Variants in TARS3 observed in about 807,000 individuals in gnomAD.
TARS3 encodes threonyl-tRNA synthetase 3, also known as threonine--tRNA ligase 2, cytoplasmic.
Under a neutral mutation model 103.5 loss-of-function variants are expected in TARS3, and 94 were observed. The ratio of observed to expected loss-of-function variants is 0.91; its 90% CI spans 0.77 to 1.08. TARS3 has a LOEUF of 1.08. TARS3 is among the 50% of genes least tolerant of loss of function. The pLI is 0.00. For synonymous variants in TARS3, 416 were observed against 355.4 expected (o/e 1.17, Z -1.92); for missense variants, 952 against 995.2 (o/e 0.96, Z 0.58).
chr15:101,724,443 C>A lies in TARS3; in HGVS notation c.-56G>T. On this transcript the variant is annotated 5_prime_UTR_variant, in exon 1 of 19. Coordinates refer to ENST00000335968, the MANE Select transcript of TARS3 (RefSeq NM_152334.3). ...GGGGTGCCCGCGACTGCGGCGAGGG[C>A]GACGCGGACACTCAGCGCACGGCAG... The A allele has an allele frequency of 2.2e-6, 3 of 1,352,454 alleles. No homozygotes were observed. Among genetic ancestry groups the A allele is most frequent in the Non-Finnish European group, 2.8e-6 (3 of 1,059,472 alleles). The allele number at this position is 1,352,454 out of a possible 1,614,324, so 83.8% of individuals were successfully genotyped here.
Position 101,662,314 on chromosome 15 carries a change from A to G in TARS3, c.1968-498T>C, listed in dbSNP as rs1197639856. Among the ~76,000 whole-genome samples the G allele has an allele frequency of 2.6e-5, 4 of 152,248 alleles. No individual in the cohort carries two copies. In the South Asian group the frequency reaches 8.3e-4, roughly 31 times the overall value. On this transcript the variant is annotated intron_variant, in intron 15 of 18. Coordinates refer to ENST00000335968, the MANE Select transcript of TARS3 (RefSeq NM_152334.3). ...GCAAATGATGACTTAATTGTAATGA[A>G]GTAAGCCACTTCAAGATCTCTGCAC...
Position 101,723,052 on chromosome 15 carries a change from TAC to T in TARS3, c.369+39_369+40del, listed in dbSNP as rs1469567708. ...TTAACTATATACACATATTTAAAAT[TAC>T]AGGTAGTATTTTATATTGTTTCCAC... On this transcript the variant is annotated intron_variant, in intron 2 of 18. Coordinates refer to ENST00000335968, the MANE Select transcript of TARS3 (RefSeq NM_152334.3). 4 of 1,536,322 alleles carry T rather than the reference TAC, an allele frequency of 2.6e-6. No homozygotes were observed. The South Asian group carries it at 4.5e-5, about 17-fold the overall frequency.
rs573427208 is a variant in TARS3 at position 101,657,693 on chromosome 15, C to T, written c.2145+92G>A. The T allele has an allele frequency of 1.5e-5, 12 of 805,188 alleles. No individual in the cohort carries two copies. The South Asian group carries it at 2.0e-4, about 14-fold the overall frequency. 49.9% of individuals were successfully genotyped at this position (805,188 alleles called of 1,614,324 possible). On this transcript the variant is annotated intron_variant, in intron 17 of 18. Coordinates refer to ENST00000335968, the MANE Select transcript of TARS3 (RefSeq NM_152334.3). Reference sequence around the variant, plus strand: ...GGTTTAAGCTAATGTGTCAGTTCTGCAATATTTTAAAGCATGAAGGACACT... The same window carrying T: ...GGTTTAAGCTAATGTGTCAGTTCTGTAATATTTTAAAGCATGAAGGACACT...
At chr15:101,660,766 C>A (rs1020910294) in intron 16 of TARS3, among the ~76,000 whole-genome samples, 1 of 152,194 alleles carries the variant, frequency 6.6e-6, no homozygotes, top group Non-Finnish European at 1.5e-5. Context: ...AAGTCCATGT[C>A]TTTGAGCCCA....
chr15:101,659,538 C>A (rs144851591), intron 16 of TARS3, among the ~76,000 whole-genome samples: 19 of 152,288 alleles, frequency 1.2e-4, no homozygotes, highest in Non-Finnish European at 2.6e-4. Context: ...AGGGAGTATA[C>A]TTCCGTCTCT....
At chr15:101,711,059 G>T (rs76748706) in intron 5 of TARS3, among the ~76,000 whole-genome samples, 5,418 of 152,248 alleles carry the variant, frequency 0.036, 133 homozygotes, top group Non-Finnish European at 0.054. Context: ...ACACATCCCT[G>T]TCCGGCACTC....
chr15:101,715,179 C>T (rs1394959566), intron 3 of TARS3, among the ~76,000 whole-genome samples: 1 of 148,336 alleles, frequency 6.7e-6, no homozygotes, highest in Non-Finnish European at 1.5e-5. Context: ...CGGAGTCTCG[C>T]TCTGTCGCCC....
chr15:101,700,137 T>TA (rs1899187996), intron 10 of TARS3, among the ~76,000 whole-genome samples: 1 of 152,010 alleles, frequency 6.6e-6, no homozygotes, highest in Admixed American at 6.6e-5. Context: ...GGTAGGCACA[T>TA]AAAAAAACTA....
At chr15:101,705,143 G>A (rs1160229298) in intron 7 of TARS3, among the ~76,000 whole-genome samples, 2 of 152,218 alleles carry the variant, frequency 1.3e-5, no homozygotes, top group African/African-American at 4.8e-5. Flanking sequence ...GAGGTTAAAT[G>A]AACAGAGCTA....
chr15:101,684,383 T>C lies in TARS3; in HGVS notation c.1488-146A>G, dbSNP rs563928255. On this transcript the variant is annotated intron_variant, in intron 11 of 18. Coordinates refer to ENST00000335968, the MANE Select transcript of TARS3 (RefSeq NM_152334.3). Reference sequence around the variant, plus strand: ...ATCACCAGGTTAAAAAAAAAATTCTTCCACAAATTAGTGAACCTTGCATTT... The same window carrying C: ...ATCACCAGGTTAAAAAAAAAATTCTCCCACAAATTAGTGAACCTTGCATTT... The C allele has an allele frequency of 1.7e-5, 13 of 745,076 alleles. No homozygotes were observed. The South Asian group carries it at 3.7e-4, about 21-fold the overall frequency. The allele number at this position is 745,076 out of a possible 1,614,324, so 46.2% of individuals were successfully genotyped here.
Position 101,657,811 on chromosome 15 carries a change from G to A in TARS3, c.2119C>T (p.Pro707Ser), listed in dbSNP as rs1567320251. 1.2e-6 allele frequency: 2 copies of A among 1,609,504 alleles called. No homozygotes were observed. Among genetic ancestry groups the A allele is most frequent in the Non-Finnish European group, 1.7e-6 (2 of 1,177,450 alleles). ...TGAAGTGCATATTTTTCACAAGTTG[G>A]CCCCACAGGGATGACCATCACCTGA... ...PRQVMVIPVG[P>S]TCEKYALQVS... Residue 707 changes from proline (P) to serine (S), a missense_variant, in exon 17 of 19, where the codon CCA becomes TCA. Physicochemically the swap from Pro to Ser is moderately conservative, Grantham distance 74. This residue lies in a region of TARS3 where 540 missense variants were observed against 631.0 expected (regional missense o/e 0.86). Coordinates refer to ENST00000335968, the MANE Select transcript of TARS3 (RefSeq NM_152334.3).
At chr15:101,676,678 T>C (rs1898039807) in intron 12 of TARS3, among the ~76,000 whole-genome samples, 1 of 151,998 alleles carries the variant, frequency 6.6e-6, no homozygotes, top group Non-Finnish European at 1.5e-5. Context: ...TTTGTATTTT[T>C]TTTTTTTTAG....
intron 13 of TARS3, among the ~76,000 whole-genome samples, chr15:101,674,858 A>G (rs192901321): frequency 6.6e-6 from 1 of 152,208 alleles, no homozygotes; most frequent in Admixed American, 6.5e-5. Flanking sequence ...TGTGGGTTGA[A>G]GGCATGAACA....
intron 10 of TARS3, among the ~76,000 whole-genome samples, 174 bp downstream of exon 10, chr15:101,700,912 G>A (rs1899239112): frequency 1.3e-5 from 2 of 152,142 alleles, no homozygotes; most frequent in Admixed American, 6.5e-5. Flanking sequence ...AAAGTGCTGG[G>A]ATTATAGGTG....
chr15:101,667,721 C>G (rs1897636638), intron 15 of TARS3, among the ~76,000 whole-genome samples: 7 of 152,188 alleles, frequency 4.6e-5, no homozygotes, highest in Admixed American at 4.6e-4. Flanking sequence ...CAGGCACCCA[C>G]CACCACGCCC....
intron 12 of TARS3, among the ~76,000 whole-genome samples, chr15:101,677,024 T>C (rs1898054587): frequency 1.3e-5 from 2 of 152,176 alleles, no homozygotes; most frequent in Admixed American, 6.5e-5. Flanking sequence ...CTGTTCTCAT[T>C]GTTCAGTTCC....
chr15:101,721,036 G>A (rs1900428259), intron 3 of TARS3, 90 bp downstream of exon 3: 1 of 1,066,208 alleles, frequency 9.4e-7, no homozygotes, highest in South Asian at 1.7e-5. Flanking sequence ...TGAGAATGGA[G>A]TAATATATTA....
At chr15:101,685,649 A>G (rs1898438108) in intron 11 of TARS3, among the ~76,000 whole-genome samples, 1 of 152,198 alleles carries the variant, frequency 6.6e-6, no homozygotes, top group Non-Finnish European at 1.5e-5. Flanking sequence ...AAATTGACAC[A>G]TAACATTATC....
intron 18 of TARS3, chr15:101,655,894 C>A: frequency 1.6e-6 from 2 of 1,288,660 alleles, no homozygotes; most frequent in Non-Finnish European, 2.0e-6. Context: ...GGACACCAGA[C>A]CCATGCGAGC....
Sources: gnomAD v4.1 joint callset for allele counts (sites outside exome capture counted in the v4.1 genomes callset) on GRCh38, gnomAD v4.1.1 for gene constraint, gnomAD v4.1.1 regional missense constraint, MANE v1.5 for transcripts, NCBI Gene and HGNC (gene_info 2026-07-23, HGNC 2026-07-21) for gene names.